The following GOLGA3 variants were observed in gnomAD, a reference collection of about 807,000 sequenced individuals.
The protein encoded by GOLGA3 is golgin A3, also known as golgin subfamily A member 3.
A neutral mutation model predicts 169.4 loss-of-function variants in GOLGA3; 75 were observed. The observed-to-expected ratio is 0.44, with a 90% CI of 0.37 to 0.54. The LOEUF (loss-of-function observed/expected upper bound fraction) is 0.54, where lower values mean the gene tolerates loss of function less well. GOLGA3 is among the 20% of genes least tolerant of loss of function. The pLI is 0.00. For synonymous variants in GOLGA3, 824 were observed against 822.4 expected (o/e 1.00, Z -0.03); for missense variants, 1,899 against 1,930.0 (o/e 0.98, Z 0.30).
At chr12:132,773,595 C>T (rs915728693) in intron 23 of GOLGA3, among the ~76,000 whole-genome samples, 13 of 152,262 alleles carry the variant, frequency 8.5e-5, no homozygotes, top group African/African-American at 2.2e-4. Context: ...CCGCCCTACA[C>T]ACTTCGCTCA....
rs201755855 is a variant in GOLGA3 at position 132,804,961 on chromosome 12, G to A, written c.1352C>T (p.Ala451Val). ...GCTGCTGTGGCTGCACTCCACCTGC[G>A]CCTGCAGCTTCGTGCTGAGGGCGGC... ...QLAALSTKLQAQVECSHSSQQ... is the reference protein window; with the variant it reads ...QLAALSTKLQVQVECSHSSQQ... Residue 451 changes from alanine to valine, a missense_variant, in exon 7 of 24, where the codon GCG (alanine) becomes GTG (valine). Transcript: ENST00000450791. This position sits in a 1 kb window ranked among gnomAD's most constrained non-coding sequence, Gnocchi z 4.1. 124 of 1,613,080 alleles carry A rather than the reference G, an allele frequency of 7.7e-5. 1 individual carries two copies. Among genetic ancestry groups the A allele is most frequent in the Middle Eastern group, 5.0e-4 (3 of 6,060 alleles).
At position 132,777,698 on chromosome 12, in the gene GOLGA3, C is replaced by T. The variant is rs755319844; in HGVS notation, c.3690G>A (p.Val1230=). 1 of 1,614,130 alleles carries T rather than the reference C, an allele frequency of 6.2e-7. No individual in the cohort carries two copies. Among genetic ancestry groups the T allele is most frequent in the East Asian group, 2.2e-5 (1 of 44,882 alleles). ...CGTCGGCCTCGGCCTGCAGCTTCTG[C>T]ACCAGGTGTTCCTTGGCCTGCAGCT... The part of the protein sequence containing the change: ...KKELQAKEHL[V]QKLQAEADDL... The change falls in exon 19 of 24, where the codon GTG becomes GTA. Residue 1230 remains valine, a synonymous_variant. Transcript: ENST00000450791. This position sits in a 1 kb window ranked among gnomAD's most constrained non-coding sequence, Gnocchi z 4.7.
intron 3 of GOLGA3, among the ~76,000 whole-genome samples, chr12:132,815,292 G>A (rs1353461801): frequency 6.6e-6 from 1 of 152,184 alleles, no homozygotes; most frequent in Non-Finnish European, 1.5e-5. Flanking sequence ...TGACGCAGGA[G>A]ATAGGCTCAG....
At chr12:132,806,636 C>T (rs945401978) in intron 6 of GOLGA3, among the ~76,000 whole-genome samples, 2 of 152,200 alleles carry the variant, frequency 1.3e-5, no homozygotes, top group Non-Finnish European at 2.9e-5. Context: ...ACGCCAGAAG[C>T]GGACAGCTGA....
chr12:132,776,000 C>G (rs996997001), intron 21 of GOLGA3, among the ~76,000 whole-genome samples: 1 of 152,264 alleles, frequency 6.6e-6, no homozygotes, highest in African/African-American at 2.4e-5. Flanking sequence ...TGCCTCTGTC[C>G]TGCCGCATGA....
intron 8 of GOLGA3, among the ~76,000 whole-genome samples, chr12:132,799,093 C>T (rs1302284253): frequency 6.6e-6 from 1 of 152,214 alleles, no homozygotes; most frequent in East Asian, 1.9e-4. Flanking sequence ...GCCCGCATCG[C>T]CTCTAGCTCC....
intron 7 of GOLGA3, among the ~76,000 whole-genome samples, chr12:132,802,998 T>A (rs548688839): frequency 9.9e-5 from 15 of 152,228 alleles, no homozygotes; most frequent in African/African-American, 3.1e-4. Flanking sequence ...GAGGTTGCGG[T>A]GAGCCAAGAT....
Position 132,772,070 on chromosome 12 carries a change from C to A in GOLGA3, c.*1035G>T, listed in dbSNP as rs2044920348. On this transcript the variant is annotated 3_prime_UTR_variant, in exon 24 of 24. Transcript: ENST00000450791. ...CCTCAGCAACAAAGTAAAACCAGAACAACAGAGGACCTTTCTGTGTAAGAA... is the reference window on the plus strand; with the variant it reads ...CCTCAGCAACAAAGTAAAACCAGAAAAACAGAGGACCTTTCTGTGTAAGAA... The A allele has an allele frequency of 6.6e-6, 1 of 152,248 alleles. No homozygotes were observed. The highest frequency in any genetic ancestry group is 1.5e-5 in the Non-Finnish European group (1 of 68,044). The allele number at this position is 152,248 out of a possible 1,614,324, so 9.4% of individuals were successfully genotyped here.
chr12:132,801,368 TG>T (rs1454289466), intron 8 of GOLGA3, among the ~76,000 whole-genome samples: 1 of 150,578 alleles, frequency 6.6e-6, no homozygotes, highest in Non-Finnish European at 1.5e-5. Flanking sequence ...CACAGCAGAG[TG>T]GGGAGGCTGA....
At position 132,777,704 on chromosome 12, in the gene GOLGA3, G is replaced by T. The variant is rs575401085; in HGVS notation, c.3684C>A (p.His1228Gln). 4 of 1,614,016 alleles carry T rather than the reference G, an allele frequency of 2.5e-6. No individual in the cohort carries two copies. The highest frequency in any genetic ancestry group is 2.5e-6 in the Non-Finnish European group (3 of 1,180,028). Residue 1228 changes from histidine (H) to glutamine (Q), a missense_variant, in exon 19 of 24, where the codon CAC becomes CAA. His to Gln is a conservative substitution (Grantham distance 24). Coordinates refer to ENST00000450791, the MANE Select transcript of GOLGA3 (RefSeq NM_001389683.1). The surrounding 1 kb of genome is among the most constrained non-coding windows in gnomAD (Gnocchi z 4.7). ...CCTCGGCCTGCAGCTTCTGCACCAG[G>T]TGTTCCTTGGCCTGCAGCTCCTTCT... ...EVKKELQAKE[H>Q]LVQKLQAEAD...
intron 11 of GOLGA3, among the ~76,000 whole-genome samples, chr12:132,792,815 T>C (rs12304701): frequency 0.29 from 14,724 of 51,510 alleles, 4,157 homozygotes; most frequent in East Asian, 0.54. Context: ...CCCCACGGGA[T>C]CTCCACTCGG....
chr12:132,801,393 T>C (rs1949120193), intron 8 of GOLGA3, among the ~76,000 whole-genome samples: 1 of 151,928 alleles, frequency 6.6e-6, no homozygotes. Flanking sequence ...GGGAGGGTCC[T>C]GAGACCCAGG....
At position 132,780,853 on chromosome 12, in the gene GOLGA3, G is replaced by A. The variant is rs1157213763; in HGVS notation, c.3527C>T (p.Ala1176Val). Residue 1176 changes from alanine to valine, a missense_variant, in exon 18 of 24, where the codon GCC (alanine) becomes GTC (valine). By Grantham distance (64) the Ala-to-Val change is moderately conservative. Transcript: ENST00000450791. ...CTCCTTCTCTAGTGAGGCCTGCAGG[G>A]CCTGGACAAGATGCTTCATCTGGCG... The part of the protein sequence containing the change: ...EDRQMKHLVQ[A>V]LQASLEKEKE... The A allele has an allele frequency of 1.9e-6, 3 of 1,612,280 alleles. No individual in the cohort carries two copies. Among genetic ancestry groups the A allele is most frequent in the African/African-American group, 1.3e-5 (1 of 74,932 alleles).
In GOLGA3 at chr12:132,786,547, G is replaced by C; in HGVS notation, c.2915C>G (p.Thr972Arg). The change falls in exon 15 of 24, where the codon ACG (threonine) becomes AGG (arginine). Residue 972 changes from threonine (T) to arginine (R), a missense_variant. Coordinates refer to ENST00000450791, the MANE Select transcript of GOLGA3 (RefSeq NM_001389683.1). ...ELQQEARKAI[T>R]EQKQKMRRLG... ...CCGCCTCATCTTCTGCTTCTGTTCC[G>C]TGATGGCCCTGGGGTGTCATGAGGG... The C allele has an allele frequency of 6.2e-7, 1 of 1,613,382 alleles. No individual in the cohort carries two copies. The highest frequency in any genetic ancestry group is 8.5e-7 in the Non-Finnish European group (1 of 1,179,792).
chr12:132,789,970 T>C (rs1222162479), intron 12 of GOLGA3, among the ~76,000 whole-genome samples: 1 of 150,486 alleles, frequency 6.6e-6, no homozygotes, highest in African/African-American at 2.5e-5. Flanking sequence ...CAGTTGGAGG[T>C]TGCAGTGAGC....
In GOLGA3 at chr12:132,777,126, C is replaced by T. The variant is rs184344126; in HGVS notation, c.3723-36G>A. 28 of 1,555,552 alleles carry T rather than the reference C, an allele frequency of 1.8e-5. No individual in the cohort carries two copies. The highest frequency in any genetic ancestry group is 1.8e-4 in the East Asian group (8 of 44,506). On this transcript the variant is annotated intron_variant, in intron 19 of 23. Coordinates refer to ENST00000450791, the MANE Select transcript of GOLGA3 (RefSeq NM_001389683.1). This position sits in a 1 kb window ranked among gnomAD's most constrained non-coding sequence, Gnocchi z 4.7. The stretch of plus-strand genomic sequence containing the variant: ...AAAACAAGAAAGAAGGGAATCGCCA[C>T]GCTCCTCCAGTGTGCTGTGCCCTCC...
chr12:132,805,817 G>A (rs976357611), intron 6 of GOLGA3, among the ~76,000 whole-genome samples: 2 of 152,268 alleles, frequency 1.3e-5, no homozygotes, highest in African/African-American at 2.4e-5. Context: ...AACACCAAAC[G>A]TGTACACGGG....
chr12:132,803,711 C>T (rs1289663601), intron 7 of GOLGA3, among the ~76,000 whole-genome samples: 1 of 152,180 alleles, frequency 6.6e-6, no homozygotes, highest in African/African-American at 2.4e-5. Flanking sequence ...CTCTGTGACG[C>T]CAGCTTGTCA....
chr12:132,822,117 C>T lies in GOLGA3; in HGVS notation c.12G>A (p.Ala4=), dbSNP rs1214589508. ...CCTGGAGGCCATCTTGCTCGGCCGA[C>T]GCGCCGTCCATGGTCAGGACGACAC... MDG[A]SAEQDGLQED... is the part of the protein sequence containing the mutation. Residue 4 remains alanine (A), a synonymous_variant, in exon 2 of 24, where the codon GCG becomes GCA. Coordinates refer to ENST00000450791, the MANE Select transcript of GOLGA3 (RefSeq NM_001389683.1). 5.6e-6 allele frequency: 9 copies of T among 1,605,416 alleles called. No homozygotes were observed. Among genetic ancestry groups the T allele is most frequent in the African/African-American group, 2.7e-5 (2 of 74,220 alleles).
Sources: gnomAD v4.1 joint callset for allele counts (sites outside exome capture counted in the v4.1 genomes callset) on GRCh38, gnomAD v4.1.1 for gene constraint, Gnocchi (gnomAD v3.1) non-coding constraint, MANE v1.5 for transcripts, NCBI Gene and HGNC (gene_info 2026-07-23, HGNC 2026-07-21) for gene names.